NUF2: variants seen among roughly 807,000 people sequenced by gnomAD.
The protein encoded by NUF2 is NUF2 component of NDC80 kinetochore complex.
In NUF2, 34 loss-of-function variants were observed where a neutral mutation model predicts 61.8. The observed-to-expected ratio is 0.55, with a 90% CI of 0.42 to 0.73. The LOEUF is 0.73. Among genes scored for constraint, NUF2 ranks in the 30% least tolerant of loss-of-function variants. The pLI, the probability that NUF2 is intolerant of heterozygous loss-of-function variation, is 0.00. For synonymous variants in NUF2, 172 were observed against 181.6 expected, an observed-to-expected ratio of 0.95 and a Z score of 0.42; for missense variants, 445 against 539.1, an observed-to-expected ratio of 0.83 and a Z score of 1.73.
Position 163,339,373 on chromosome 1 carries a change from G to T in NUF2, c.510-8G>T. 2.5e-6 allele frequency: 4 copies of T among 1,578,084 alleles called. No individual in the cohort carries two copies. The highest frequency in any genetic ancestry group is 3.5e-6 in the Non-Finnish European group (4 of 1,149,278). The stretch of plus-strand genomic sequence containing the variant: ...GAGCAGTATTTTAATCTATTTTGCT[G>T]TGTTAAGTTCTGTTCCAGTTGAAGA... On this transcript the variant is annotated splice_region_variant and splice_polypyrimidine_tract_variant and intron_variant, in intron 7 of 13. Transcript: ENST00000271452.
chr1:163,328,954 AT>A, intron 5 of NUF2, 47 bp downstream of exon 5: 1 of 959,098 alleles, frequency 1.0e-6, no homozygotes, highest in Non-Finnish European at 1.6e-6. Flanking sequence ...TCGATCTACC[AT>A]TTCACCTTTC....
At chr1:163,339,300 C>A in intron 7 of NUF2, 81 bp from the exon 8 acceptor site, 1 of 784,260 alleles carries the variant, frequency 1.3e-6, no homozygotes, top group Non-Finnish European at 2.1e-6. Flanking sequence ...ATTTCTTCAT[C>A]TCAGTTATTT....
In NUF2 at chr1:163,326,880, C is replaced by T. The variant is rs538473463; in HGVS notation, c.124-608C>T. ...TTCTTAAAAGATTACCACGTTTTCCCTATATTTCCCGTCTTAATGCTCACC... is the reference window on the plus strand; with the variant it reads ...TTCTTAAAAGATTACCACGTTTTCCTTATATTTCCCGTCTTAATGCTCACC... On this transcript the variant is annotated intron_variant, in intron 2 of 13. Coordinates refer to ENST00000271452, the MANE Select transcript of NUF2 (RefSeq NM_145697.3). Among the ~76,000 whole-genome samples, 5 of 152,160 alleles carry T rather than the reference C, an allele frequency of 3.3e-5. No homozygotes were observed. The East Asian group carries it at 9.7e-4, about 29-fold the overall frequency.
rs749618587 is a variant in NUF2 at position 163,343,772 on chromosome 1, C to G, written c.709C>G (p.Gln237Glu). 27 of 1,441,022 alleles carry G rather than the reference C, an allele frequency of 1.9e-5. No homozygotes were observed. In the South Asian group the frequency reaches 3.7e-4, roughly 20 times the overall value. The allele number at this position is 1,441,022 out of a possible 1,614,324, so 89.3% of individuals were successfully genotyped here. A position where few individuals can be genotyped will look rare whatever the true frequency, so the allele number is the denominator to read the frequency against. Residue 237 changes from glutamine (Q) to glutamate (E), a missense_variant, in exon 10 of 14, where the codon CAA becomes GAA. By Grantham distance (29) the Gln-to-Glu change is conservative. Coordinates refer to ENST00000271452, the MANE Select transcript of NUF2 (RefSeq NM_145697.3). ...GTCGGTGGTTTCTTTGAAAGAAATA[C>G]AAGAGAGTTTGAAAACAAAAATTGT... The part of the protein sequence containing the change: ...KLSVVSLKEI[Q>E]ESLKTKIVDS...
At chr1:163,322,235 C>G (rs1482672864) in intron 1 of NUF2, 23 bp downstream of exon 1, 1 of 152,266 alleles carries the variant, frequency 6.6e-6, no homozygotes, top group Non-Finnish European at 1.5e-5. Context: ...CCCGTCGTTA[C>G]TTTTTATTTG....
chr1:163,327,207 CTT>C (rs764118256), intron 2 of NUF2, among the ~76,000 whole-genome samples: 93 of 151,692 alleles, frequency 6.1e-4, no homozygotes, highest in East Asian at 2.5e-3. Flanking sequence ...AACTCTTCTT[CTT>C]CTATTTCCTA....
intron 5 of NUF2, among the ~76,000 whole-genome samples, chr1:163,335,863 A>G (rs540285466): frequency 2.0e-4 from 30 of 152,212 alleles, no homozygotes; most frequent in African/African-American, 7.0e-4. Flanking sequence ...TTAGGTCTGA[A>G]CTACTGTTAT....
chr1:163,353,956 C>T (rs1353847692), intron 13 of NUF2, among the ~76,000 whole-genome samples: 1 of 152,120 alleles, frequency 6.6e-6, no homozygotes, highest in Non-Finnish European at 1.5e-5. Context: ...GATTGTATAT[C>T]TTAATTTAGT....
At chr1:163,336,871 G>A (rs751949686) in intron 6 of NUF2, 23 bp downstream of exon 6, 3 of 1,400,454 alleles carry the variant, frequency 2.1e-6, no homozygotes, top group Non-Finnish European at 3.0e-6. Flanking sequence ...TATGTTTTGG[G>A]GTTACATGCC....
At chr1:163,325,737 G>A (rs1008435082) in intron 1 of NUF2, among the ~76,000 whole-genome samples, 8 of 152,112 alleles carry the variant, frequency 5.3e-5, no homozygotes, top group African/African-American at 1.9e-4. Flanking sequence ...AGAGAAGCAC[G>A]TGGTTTCTCA....
intron 1 of NUF2, among the ~76,000 whole-genome samples, 191 bp from the exon 2 acceptor site, chr1:163,325,841 T>C (rs1650399950): frequency 6.6e-6 from 1 of 152,204 alleles, no homozygotes; most frequent in African/African-American, 2.4e-5. Flanking sequence ...AATAACTGTG[T>C]CACCTTAGAA....
At chr1:163,338,193 T>C in intron 7 of NUF2, 100 bp downstream of exon 7, 1 of 788,964 alleles carries the variant, frequency 1.3e-6, no homozygotes, top group Non-Finnish European at 2.1e-6. Flanking sequence ...AAGTCTCTTT[T>C]ATCTCCCTTA....
intron 11 of NUF2, chr1:163,346,340 G>T (rs1257736425): frequency 2.0e-5 from 3 of 152,132 alleles, no homozygotes; most frequent in African/African-American, 7.2e-5. Flanking sequence ...AAATCAATAA[G>T]TTTAGTACAA....
intron 13 of NUF2, 45 bp from the exon 14 acceptor site, chr1:163,355,290 G>A: frequency 6.9e-7 from 1 of 1,454,366 alleles, no homozygotes; most frequent in Non-Finnish European, 9.4e-7. Context: ...TGTAGTTTAG[G>A]TTGTTGCATG....
intron 13 of NUF2, among the ~76,000 whole-genome samples, chr1:163,353,954 A>G: frequency 6.6e-6 from 1 of 152,206 alleles, no homozygotes; most frequent in East Asian, 1.9e-4. Flanking sequence ...CAGATTGTAT[A>G]TCTTAATTTA....
chr1:163,328,325 T>C, intron 4 of NUF2, 21 bp downstream of exon 4: 1 of 1,461,046 alleles, frequency 6.8e-7, no homozygotes, highest in Non-Finnish European at 9.5e-7. Context: ...AGTGATTTTA[T>C]TGTCTTCGTC....
Position 163,328,226 on chromosome 1 carries a change from A to G in NUF2, c.199-2A>G. On this transcript the variant is annotated splice_acceptor_variant, in intron 3 of 13. Coordinates refer to ENST00000271452, the MANE Select transcript of NUF2 (RefSeq NM_145697.3). LOFTEE classifies it high-confidence loss of function. ...GTCGATTTTGTGGTTTATTGCATTT[A>G]GATGCCAGTGAACTCTGAAGTCATG... 1.3e-6 allele frequency: 2 copies of G among 1,599,026 alleles called. No homozygotes were observed. The highest frequency in any genetic ancestry group is 2.2e-5 in the East Asian group (1 of 44,592).
chr1:163,337,197 C>T (rs1250759839), intron 6 of NUF2, among the ~76,000 whole-genome samples: 2 of 151,930 alleles, frequency 1.3e-5, no homozygotes, highest in African/African-American at 2.4e-5. Context: ...TATTAAATAA[C>T]GGACATATTT....
intron 10 of NUF2, 62 bp downstream of exon 10, chr1:163,343,932 T>C: frequency 9.3e-7 from 1 of 1,073,728 alleles, no homozygotes; most frequent in Admixed American, 3.1e-5. Flanking sequence ...AAATTCTTGT[T>C]TAATTATGTG....
Sources: gnomAD v4.1 joint callset for allele counts (sites outside exome capture counted in the v4.1 genomes callset) on GRCh38, gnomAD v4.1.1 for gene constraint, MANE v1.5 for transcripts, NCBI Gene and HGNC (gene_info 2026-07-23, HGNC 2026-07-21) for gene names.